Variants in FAM111B observed in about 807,000 individuals in gnomAD.
The protein encoded by FAM111B is FAM111 trypsin like peptidase B.
A neutral mutation model predicts 2.8 loss-of-function variants in FAM111B; 1 was observed. The ratio of observed to expected loss-of-function variants is 0.36; its 90% CI spans 0.13 to 1.70. FAM111B has a LOEUF of 1.70. Ranked by LOEUF, FAM111B falls within the 40% of genes most tolerant of loss-of-function variation. The pLI is 0.35. For missense variants in FAM111B, 882 were observed against 878.9 expected (o/e 1.00, Z -0.04); for synonymous variants, 297 against 295.6 (o/e 1.00, Z -0.05).
At position 59,109,658 on chromosome 11, in the gene FAM111B, A is replaced by AT; in HGVS notation, c.36dup (p.Ser13Ter). ...CCATGAAGACTGAAGAAAACAAGTC[A>AT]TTTAGCGCTATGGAAGATGACCAGA... On this transcript the variant is annotated frameshift_variant, in exon 3 of 4. Transcript: ENST00000343597. LOFTEE classifies it low-confidence loss of function (END_TRUNC). 1 of 1,612,370 alleles carries AT rather than the reference A, an allele frequency of 6.2e-7. No individual in the cohort carries two copies. The highest frequency in any genetic ancestry group is 8.5e-7 in the Non-Finnish European group (1 of 1,179,130).
chr11:59,109,403 A>C, intron 2 of FAM111B, 137 bp from the exon 3 acceptor site: 1 of 356,654 alleles, frequency 2.8e-6, no homozygotes, highest in Admixed American at 4.3e-5. Flanking sequence ...TGGAAACTCC[A>C]TACAGTAAGC....
chr11:59,108,130 G>A (rs1311671712), intron 1 of FAM111B, among the ~76,000 whole-genome samples: 1 of 152,200 alleles, frequency 6.6e-6, no homozygotes, highest in Non-Finnish European at 1.5e-5. Context: ...GAGTCTGTGA[G>A]GGTGGGATCT....
intron 3 of FAM111B, among the ~76,000 whole-genome samples, chr11:59,118,054 A>G (rs1023900538): frequency 1.7e-4 from 26 of 152,168 alleles, no homozygotes; most frequent in African/African-American, 4.8e-4. Context: ...ATGTAAATGA[A>G]GTAGTGGCCC....
In FAM111B at chr11:59,124,689, AT is replaced by A; in HGVS notation, c.594del (p.Ile198MetfsTer19). 6.2e-7 allele frequency: 1 copy of A among 1,613,794 alleles called. No individual in the cohort carries two copies. Among genetic ancestry groups the A allele is most frequent in the Non-Finnish European group, 8.5e-7 (1 of 1,179,782 alleles). ...TGCTATAGGAAGGACAAGAAAGAAGATTGTTAAGATCAACGAACTTCATGAA... is the reference window on the plus strand; with the variant it reads ...TGCTATAGGAAGGACAAGAAAGAAGATGTTAAGATCAACGAACTTCATGAA... Reference protein sequence around the residue: ...VVAIGRTRKKIVKINELHEKG... With the variant: ...VVAIGRTRKKXVKINELHEKG... On this transcript the variant is annotated frameshift_variant, in exon 4 of 4. Transcript: ENST00000343597. LOFTEE classifies it low-confidence loss of function (END_TRUNC).
rs141876834 is a variant in FAM111B, at chr11:59,107,262, G to C, written c.-166G>C. On this transcript the variant is annotated 5_prime_UTR_variant, in exon 1 of 4. Coordinates refer to ENST00000343597, the MANE Select transcript of FAM111B (RefSeq NM_198947.4). ...AAATCCAGAGCGGCGGGCACTGACG[G>C]GCACTTGCACCGTGTGGACAGACTC... 6 of 152,546 alleles carry C rather than the reference G, an allele frequency of 3.9e-5. No homozygotes were observed. The highest frequency in any genetic ancestry group is 1.3e-4 in the Admixed American group (2 of 15,308). 9.4% of individuals were successfully genotyped at this position (152,546 alleles called of 1,614,324 possible).
rs766067693 is a variant in FAM111B at position 59,124,659 on chromosome 11, G to A, written c.562G>A (p.Val188Ile). Residue 188 changes from valine to isoleucine, a missense_variant, in exon 4 of 4, where the codon GTT (valine) becomes ATT (isoleucine). Val to Ile is a conservative substitution (Grantham distance 29, BLOSUM62 3). Transcript: ENST00000343597. The part of the protein sequence containing the change: ...NPNMECILFH[V>I]VAIGRTRKKI... ...AAACATGGAATGCATTCTTTTTCAT[G>A]TTGTTGCTATAGGAAGGACAAGAAA... 3 of 1,613,886 alleles carry A rather than the reference G, an allele frequency of 1.9e-6. No homozygotes were observed. Among genetic ancestry groups the A allele is most frequent in the Non-Finnish European group, 2.5e-6 (3 of 1,179,826 alleles).
rs1860057012 is a variant in FAM111B at position 59,127,407 on chromosome 11, T to G, written c.*1105T>G. 6.6e-6 allele frequency: 1 copy of G among 152,130 alleles called. No homozygotes were observed. Among genetic ancestry groups the G allele is most frequent in the Non-Finnish European group, 1.5e-5 (1 of 67,996 alleles). The allele number at this position is 152,130 out of a possible 1,614,324, so 9.4% of individuals were successfully genotyped here. A position where few individuals can be genotyped will look rare whatever the true frequency, so the allele number is the denominator to read the frequency against. ...AAATAAAAGTTTAAAATATATATAATGCCAATAATTTAGAGTATTGGAGGC... is the reference window on the plus strand; with the variant it reads ...AAATAAAAGTTTAAAATATATATAAGGCCAATAATTTAGAGTATTGGAGGC... On this transcript the variant is annotated 3_prime_UTR_variant, in exon 4 of 4. Transcript: ENST00000343597.
intron 1 of FAM111B, among the ~76,000 whole-genome samples, chr11:59,107,660 A>G (rs770570137): frequency 5.8e-4 from 88 of 152,260 alleles, no homozygotes; most frequent in Non-Finnish European, 1.3e-4. Context: ...AAGTGCCTGG[A>G]GTGTAGTGTG....
chr11:59,117,552 A>C (rs1859857050), intron 3 of FAM111B, among the ~76,000 whole-genome samples: 1 of 152,144 alleles, frequency 6.6e-6, no homozygotes, highest in African/African-American at 2.4e-5. Context: ...CCAAGCACAG[A>C]TCAGAGATGT....
Position 59,121,817 on chromosome 11 carries a change from G to A in FAM111B, c.82-2362G>A, listed in dbSNP as rs1859926800. 2.0e-5 allele frequency among the ~76,000 whole-genome samples: 3 copies of A among 152,184 alleles called. 1 individual carries two copies. In the South Asian group the frequency reaches 6.2e-4, roughly 32 times the overall value. ...TCAGTGAATTCTAACTGTAAAAATG[G>A]ATACAGAATTTCATCAACTAGAATG... On this transcript the variant is annotated intron_variant, in intron 3 of 3. Transcript: ENST00000343597.
At position 59,125,241 on chromosome 11, in the gene FAM111B, AAGG is replaced by A; in HGVS notation, c.1148_1150del (p.Glu383del). On this transcript the variant is annotated inframe_deletion, in exon 4 of 4. Transcript: ENST00000343597. Reference sequence around the variant, plus strand: ...GTATGCTATTAATCTGGATGTCCAAAAGGAGGCAATTAATCTCTTAAAGAATTA... The same window carrying A: ...GTATGCTATTAATCTGGATGTCCAAAAGGCAATTAATCTCTTAAAGAATTA... The A allele has an allele frequency of 6.2e-7, 1 of 1,613,924 alleles. No homozygotes were observed. Among genetic ancestry groups the A allele is most frequent in the Non-Finnish European group, 8.5e-7 (1 of 1,179,838 alleles).
intron 3 of FAM111B, among the ~76,000 whole-genome samples, chr11:59,122,686 TC>T (rs1420609293): frequency 6.6e-6 from 1 of 152,052 alleles, no homozygotes; most frequent in Non-Finnish European, 1.5e-5. Context: ...CTCTGACATA[TC>T]CAAGAGTAGA....
chr11:59,116,070 G>T (rs1331773892), intron 3 of FAM111B, among the ~76,000 whole-genome samples: 4 of 152,194 alleles, frequency 2.6e-5, no homozygotes, highest in Non-Finnish European at 5.9e-5. Flanking sequence ...CTTTGGGAAT[G>T]CTGTGAATGT....
At position 59,124,356 on chromosome 11, in the gene FAM111B, GGAAACTCCA is replaced by G. The variant is rs758570106; in HGVS notation, c.264_272del (p.Asn88_Arg90del). 3 of 1,613,590 alleles carry G rather than the reference GGAAACTCCA, an allele frequency of 1.9e-6. No individual in the cohort carries two copies. The highest frequency in any genetic ancestry group is 2.5e-6 in the Non-Finnish European group (3 of 1,179,800). On this transcript the variant is annotated inframe_deletion, in exon 4 of 4. Coordinates refer to ENST00000343597, the MANE Select transcript of FAM111B (RefSeq NM_198947.4). ...ATGTTGTTTCACCTTTACGTTGAAT[GGAAACTCCA>G]GAAAATTAGACCGTAGTGTGTTTAC...
At chr11:59,119,030 G>A (rs138105787) in intron 3 of FAM111B, among the ~76,000 whole-genome samples, 20 of 152,216 alleles carry the variant, frequency 1.3e-4, no homozygotes, top group African/African-American at 4.6e-4. Flanking sequence ...TGTACTCAAT[G>A]CCTCACGAAT....
chr11:59,114,754 G>T (rs1336896667), intron 3 of FAM111B, among the ~76,000 whole-genome samples: 1 of 152,128 alleles, frequency 6.6e-6, no homozygotes, highest in Non-Finnish European at 1.5e-5. Context: ...TGGTATCCTT[G>T]TTCTCTTGGA....
intron 3 of FAM111B, among the ~76,000 whole-genome samples, chr11:59,112,823 A>G (rs1185972638): frequency 6.6e-6 from 1 of 152,048 alleles, no homozygotes; most frequent in Non-Finnish European, 1.5e-5. Context: ...TATTTTTCCC[A>G]TTTTATACTT....
chr11:59,112,014 T>C (rs1292213016), intron 3 of FAM111B, among the ~76,000 whole-genome samples: 2 of 152,228 alleles, frequency 1.3e-5, no homozygotes, highest in Non-Finnish European at 2.9e-5. Context: ...TACAGTAAAA[T>C]TCAGTCTTTT....
At chr11:59,109,404 T>C (rs115322583) in intron 2 of FAM111B, 136 bp from the exon 3 acceptor site, 21 of 357,236 alleles carry the variant, frequency 5.9e-5, no homozygotes, top group Non-Finnish European at 9.7e-5. Flanking sequence ...GGAAACTCCA[T>C]ACAGTAAGCT....
Sources: gnomAD v4.1 joint callset for allele counts (sites outside exome capture counted in the v4.1 genomes callset) on GRCh38, gnomAD v4.1.1 for gene constraint, MANE v1.5 for transcripts, NCBI Gene and HGNC (gene_info 2026-07-23, HGNC 2026-07-21) for gene names.